SGCZ: variants seen among roughly 807,000 people sequenced by gnomAD.
The protein encoded by SGCZ is zeta-sarcoglycan.
Under a neutral mutation model 41.3 loss-of-function variants are expected in SGCZ, and 40 were observed. The ratio of observed to expected loss-of-function variants is 0.97; its 90% CI spans 0.75 to 1.26. The LOEUF (loss-of-function observed/expected upper bound fraction) is 1.26, where lower values mean the gene tolerates loss of function less well. Among genes scored for constraint, SGCZ ranks in the 50% most tolerant of loss-of-function variants. The pLI, the probability that SGCZ is intolerant of heterozygous loss-of-function variation, is 0.00. For synonymous variants in SGCZ, 206 were observed against 137.5 expected (o/e 1.50, Z -3.49); for missense variants, 552 against 369.8 (o/e 1.49, Z -4.04).
chr8:14,496,667 T>C (rs2117042049), intron 2 of SGCZ, among the ~76,000 whole-genome samples: 1 of 152,296 alleles, frequency 6.6e-6, no homozygotes, highest in African/African-American at 2.4e-5. Flanking sequence ...ATTATCATTA[T>C]TGTTTCCTAG....
chr8:14,384,798 G>A (rs28694384), intron 2 of SGCZ, among the ~76,000 whole-genome samples: 2 of 152,060 alleles, frequency 1.3e-5, no homozygotes, highest in Non-Finnish European at 2.9e-5. Context: ...TGATCCGCCC[G>A]CCTTGGCTTC....
intron 2 of SGCZ, among the ~76,000 whole-genome samples, chr8:14,516,499 A>T (rs944816197): frequency 4.6e-5 from 7 of 152,044 alleles, no homozygotes; most frequent in African/African-American, 1.7e-4. Flanking sequence ...AATCAAATGG[A>T]TTTAAAAAAA....
intron 1 of SGCZ, among the ~76,000 whole-genome samples, chr8:15,021,528 C>T (rs986672526): frequency 4.6e-5 from 7 of 152,188 alleles, no homozygotes; most frequent in East Asian, 3.9e-4. Context: ...GGCTTACTTA[C>T]GTTGGCACAA....
At chr8:14,668,341 G>A (rs938631428) in intron 1 of SGCZ, among the ~76,000 whole-genome samples, 1 of 152,018 alleles carries the variant, frequency 6.6e-6, no homozygotes, top group African/African-American at 2.4e-5. Context: ...TGAATATATG[G>A]TTTTTTCAGT....
At chr8:14,376,997 G>A (rs1804155967) in intron 2 of SGCZ, among the ~76,000 whole-genome samples, 1 of 152,140 alleles carries the variant, frequency 6.6e-6, no homozygotes, top group Non-Finnish European at 1.5e-5. Flanking sequence ...TGAGGTGAGA[G>A]GAACCCCTTT....
intron 2 of SGCZ, among the ~76,000 whole-genome samples, chr8:14,364,335 G>C (rs578119396): frequency 2.0e-5 from 3 of 152,066 alleles, no homozygotes; most frequent in Non-Finnish European, 4.4e-5. Context: ...TGAACATTTT[G>C]CTACATCCCC....
chr8:14,755,807 C>G (rs530390813), intron 1 of SGCZ, among the ~76,000 whole-genome samples: 1 of 151,900 alleles, frequency 6.6e-6, no homozygotes, highest in Non-Finnish European at 1.5e-5. Flanking sequence ...CCTCTACAGA[C>G]TTTCATGTAA....
At chr8:14,433,411 A>G (rs1211116975) in intron 2 of SGCZ, among the ~76,000 whole-genome samples, 1 of 152,222 alleles carries the variant, frequency 6.6e-6, no homozygotes, top group Non-Finnish European at 1.5e-5. Context: ...TATTGCAATC[A>G]TTTGGTAAGA....
At chr8:14,285,836 C>A (rs942118001) in intron 3 of SGCZ, among the ~76,000 whole-genome samples, 7 of 152,062 alleles carry the variant, frequency 4.6e-5, no homozygotes, top group South Asian at 2.1e-4. Flanking sequence ...TATACTGCAA[C>A]CTTCAGGGGT....
chr8:15,208,904 G>T (rs268366), intron 1 of SGCZ, among the ~76,000 whole-genome samples: 40,957 of 97,948 alleles, frequency 0.42, 5,663 homozygotes, highest in African/African-American at 0.46. Context: ...CATATATATA[G>T]AGAGAGAGAG....
chr8:14,804,614 G>A (rs1441458560), intron 1 of SGCZ, among the ~76,000 whole-genome samples: 1 of 145,658 alleles, frequency 6.9e-6, no homozygotes, highest in African/African-American at 2.5e-5. Context: ...TGGTGTACCT[G>A]AAAGTGATGC....
intron 2 of SGCZ, among the ~76,000 whole-genome samples, chr8:14,455,245 T>C (rs1469789214): frequency 1.3e-5 from 2 of 152,068 alleles, no homozygotes; most frequent in Admixed American, 1.3e-4. Flanking sequence ...TAAATTAATA[T>C]TTCAAAATGA....
intron 1 of SGCZ, among the ~76,000 whole-genome samples, chr8:15,023,201 G>C (rs1803320995): frequency 1.3e-5 from 2 of 152,154 alleles, no homozygotes; most frequent in Admixed American, 6.5e-5. Flanking sequence ...TCTGAGAGGG[G>C]CTTCTTCTGT....
intron 2 of SGCZ, among the ~76,000 whole-genome samples, chr8:14,374,434 T>C (rs1425477362): frequency 6.6e-6 from 1 of 152,206 alleles, no homozygotes; most frequent in Non-Finnish European, 1.5e-5. Context: ...TTTATAAATA[T>C]GGTAGTAAGA....
rs556202094 is a variant in SGCZ at position 14,942,204 on chromosome 8, G to C, written c.39+295381C>G. 2.0e-5 allele frequency among the ~76,000 whole-genome samples: 3 copies of C among 152,112 alleles called. No individual in the cohort carries two copies. In the South Asian group the frequency reaches 6.2e-4, roughly 31 times the overall value. ...CCTAACTCAGTCCCCGTACAGAAAA[G>C]GACCTACCCTCATGGAAGAGCTCAT... On this transcript the variant is annotated intron_variant, in intron 1 of 7. Coordinates refer to ENST00000382080, the MANE Select transcript of SGCZ (RefSeq NM_139167.4).
intron 1 of SGCZ, among the ~76,000 whole-genome samples, chr8:14,811,833 G>T (rs1336182402): frequency 3.3e-5 from 5 of 151,872 alleles, no homozygotes; most frequent in African/African-American, 1.2e-4. Context: ...TAGAATCTTG[G>T]AAACTGAATG....
intron 6 of SGCZ, among the ~76,000 whole-genome samples, chr8:14,105,116 A>ATGT (rs1218890178): frequency 6.6e-6 from 1 of 152,080 alleles, no homozygotes; most frequent in Non-Finnish European, 1.5e-5. Context: ...ACTATTTAAC[A>ATGT]TGTTTTTTTT....
intron 2 of SGCZ, among the ~76,000 whole-genome samples, chr8:14,505,012 T>A (rs947643476): frequency 1.3e-5 from 2 of 152,058 alleles, no homozygotes; most frequent in African/African-American, 4.8e-5. Context: ...TTGATACTCC[T>A]AGATATAAAA....
intron 2 of SGCZ, among the ~76,000 whole-genome samples, chr8:14,377,994 G>A (rs535230293): frequency 2.0e-4 from 30 of 149,826 alleles, no homozygotes; most frequent in Middle Eastern, 3.4e-3. Flanking sequence ...AAACATACGT[G>A]TGCATGTGTC....
Sources: allele counts gnomAD v4.1 joint callset (sites outside exome capture counted in the v4.1 genomes callset), GRCh38; gene constraint gnomAD v4.1.1; transcripts MANE v1.5; gene names NCBI Gene and HGNC (gene_info 2026-07-23, HGNC 2026-07-21).